The following CRCP variants were observed in gnomAD, a reference collection of about 807,000 sequenced individuals.
CRCP encodes the protein CGRP receptor component.
CRCP carries 18 observed loss-of-function variants against 18.5 expected under a neutral mutation model. The ratio of observed to expected loss-of-function variants is 0.97; its 90% confidence interval spans 0.67 to 1.44. CRCP has a LOEUF of 1.44. CRCP is among the 40% of genes most tolerant of loss of function. The pLI, the probability that CRCP is intolerant of heterozygous loss-of-function variation, is 0.00. For missense variants in CRCP, 130 were observed against 176.4 expected (o/e 0.74, Z 1.49); for synonymous variants, 53 against 62.9 (o/e 0.84, Z 0.75).
chr7:66,141,695 G>C (rs1788144477), intron 4 of CRCP, among the ~76,000 whole-genome samples: 2 of 152,238 alleles, frequency 1.3e-5, no homozygotes, highest in South Asian at 2.1e-4. Flanking sequence ...GTAGGACCGA[G>C]GAGCAGCCGC....
chr7:66,127,611 A>G, intron 1 of CRCP, 93 bp from the exon 2 acceptor site: 2 of 1,383,796 alleles, frequency 1.4e-6, no homozygotes, highest in Non-Finnish European at 2.0e-6. Context: ...CAAAAAGTGG[A>G]CTACTGTATC....
rs572396572 is a variant in CRCP at position 66,154,283 on chromosome 7, C to G, written c.*1926C>G. ...CTCTGCCTCCCAGATTCAAGCGATT[C>G]TGGTGCCTTAGCCTCCTGAGTAGCT... On this transcript the variant is annotated 3_prime_UTR_variant, in exon 6 of 6. Coordinates refer to ENST00000395326, the MANE Select transcript of CRCP (RefSeq NM_014478.5). 6.7e-6 allele frequency: 1 copy of G among 149,066 alleles called. No individual in the cohort carries two copies. Among genetic ancestry groups the G allele is most frequent in the South Asian group, 2.1e-4 (1 of 4,710 alleles). 9.2% of individuals were successfully genotyped at this position (149,066 alleles called of 1,614,324 possible). A position where few individuals can be genotyped will look rare whatever the true frequency, so the allele number is the denominator to read the frequency against.
chr7:66,115,102 G>A (rs746930881), intron 1 of CRCP, 132 bp downstream of exon 1: 4 of 1,332,790 alleles, frequency 3.0e-6, no homozygotes, highest in South Asian at 1.4e-5. Context: ...GGCCCTGTCC[G>A]GGAGGGCCGC....
intron 5 of CRCP, among the ~76,000 whole-genome samples, chr7:66,149,247 G>T (rs1788386072): frequency 6.6e-6 from 1 of 152,164 alleles, no homozygotes; most frequent in Non-Finnish European, 1.5e-5. Context: ...TGAAAGGCCG[G>T]ACACAGTGAT....
At chr7:66,141,674 T>G (rs1788143577) in intron 4 of CRCP, among the ~76,000 whole-genome samples, 1 of 152,120 alleles carries the variant, frequency 6.6e-6, no homozygotes. Context: ...TGATCAGCAG[T>G]GTCAGATGGA....
rs1443783596 is a variant in CRCP at position 66,154,278 on chromosome 7, C to T, written c.*1921C>T. 2 of 150,210 alleles carry T rather than the reference C, an allele frequency of 1.3e-5. No homozygotes were observed. The highest frequency in any genetic ancestry group is 4.9e-5 in the African/African-American group (2 of 40,858). 9.3% of individuals were successfully genotyped at this position (150,210 alleles called of 1,614,324 possible). A position where few individuals can be genotyped will look rare whatever the true frequency, so the allele number is the denominator to read the frequency against. On this transcript the variant is annotated 3_prime_UTR_variant, in exon 6 of 6. Coordinates refer to ENST00000395326, the MANE Select transcript of CRCP (RefSeq NM_014478.5). ...GCAACCTCTGCCTCCCAGATTCAAG[C>T]GATTCTGGTGCCTTAGCCTCCTGAG...
chr7:66,121,144 G>T (rs956083215), intron 1 of CRCP, among the ~76,000 whole-genome samples: 1 of 151,002 alleles, frequency 6.6e-6, no homozygotes, highest in African/African-American at 2.4e-5. Context: ...GCGCAATCTC[G>T]GCTGACTGCA....
chr7:66,136,570 G>T (rs1787977668), intron 4 of CRCP, among the ~76,000 whole-genome samples: 1 of 150,344 alleles, frequency 6.7e-6, no homozygotes, highest in South Asian at 2.1e-4. Context: ...CACTCTATTG[G>T]CCAGGCTGGT....
At chr7:66,124,315 G>T (rs540717203) in intron 1 of CRCP, among the ~76,000 whole-genome samples, 79 of 151,410 alleles carry the variant, frequency 5.2e-4, no homozygotes, top group African/African-American at 1.8e-3. Context: ...AGCCGAGATC[G>T]CACCATTGCA....
chr7:66,140,395 C>CTTTTTTT (rs34069697), intron 4 of CRCP, among the ~76,000 whole-genome samples: 2 of 142,840 alleles, frequency 1.4e-5, no homozygotes, highest in African/African-American at 2.6e-5. Flanking sequence ...CTTTTCTTTT[C>CTTTTTTT]TTTTTTTTTT....
intron 1 of CRCP, among the ~76,000 whole-genome samples, chr7:66,121,044 A>G (rs938473506): frequency 1.3e-5 from 2 of 149,300 alleles, no homozygotes; most frequent in Admixed American, 6.7e-5. Flanking sequence ...CATAATAATA[A>G]TAATAATAAT....
At chr7:66,138,363 A>C (rs1788030856) in intron 4 of CRCP, among the ~76,000 whole-genome samples, 1 of 151,346 alleles carries the variant, frequency 6.6e-6, no homozygotes, top group Admixed American at 6.6e-5. Context: ...TCATTGTGAG[A>C]CTCCATCTCT....
Position 66,134,362 on chromosome 7 carries a change from AC to A in CRCP, c.228del (p.His76GlnfsTer3). 6.2e-7 allele frequency: 1 copy of A among 1,605,568 alleles called. No individual in the cohort carries two copies. Among genetic ancestry groups the A allele is most frequent in the Non-Finnish European group, 8.5e-7 (1 of 1,175,550 alleles). On this transcript the variant is annotated frameshift_variant, in exon 4 of 6. Coordinates refer to ENST00000395326, the MANE Select transcript of CRCP (RefSeq NM_014478.5). LOFTEE classifies it high-confidence loss of function. ...VREFLTALKS[H>X]KLTKAEKLQL... ...GAATTTCTCACAGCATTGAAAAGCCACAAGTTGACCAAGTAAGTAAATCTCT... is the reference window on the plus strand; with the variant it reads ...GAATTTCTCACAGCATTGAAAAGCCAAAGTTGACCAAGTAAGTAAATCTCT...
chr7:66,129,838 C>T (rs549243475), intron 2 of CRCP, among the ~76,000 whole-genome samples: 3 of 152,178 alleles, frequency 2.0e-5, no homozygotes, highest in South Asian at 2.1e-4. Context: ...CGTATTGTAT[C>T]TGGTGATGGT....
At chr7:66,141,776 T>TGAGGG (rs1282509789) in intron 4 of CRCP, among the ~76,000 whole-genome samples, 20 of 152,080 alleles carry the variant, frequency 1.3e-4, no homozygotes, top group Non-Finnish European at 2.8e-4. Flanking sequence ...GGGCAAGAGC[T>TGAGGG]AGGGTGCAGG....
At chr7:66,139,991 T>A (rs1788086010) in intron 4 of CRCP, among the ~76,000 whole-genome samples, 1 of 152,222 alleles carries the variant, frequency 6.6e-6, no homozygotes, top group African/African-American at 2.4e-5. Flanking sequence ...TTACTAGAGC[T>A]GTCCTTGGAG....
intron 4 of CRCP, 133 bp downstream of exon 4, chr7:66,134,507 C>G: frequency 1.6e-6 from 1 of 631,966 alleles, no homozygotes; most frequent in Non-Finnish European, 2.8e-6. Context: ...GATGAAACAA[C>G]TGAAAGTTAG....
intron 4 of CRCP, among the ~76,000 whole-genome samples, chr7:66,143,295 C>T (rs1026327039): frequency 3.3e-5 from 5 of 152,232 alleles, no homozygotes; most frequent in Non-Finnish European, 5.9e-5. Flanking sequence ...CTGCCAGCAC[C>T]AGCCAGAGCA....
intron 4 of CRCP, among the ~76,000 whole-genome samples, chr7:66,140,109 G>A (rs199915776): frequency 6.6e-6 from 1 of 152,258 alleles, no homozygotes; most frequent in Non-Finnish European, 1.5e-5. Flanking sequence ...CACCTGGGGG[G>A]CTGCCCTTGA....
Sources: gnomAD v4.1 joint callset for allele counts (sites outside exome capture counted in the v4.1 genomes callset) on GRCh38, gnomAD v4.1.1 for gene constraint, MANE v1.5 for transcripts, NCBI Gene and HGNC (gene_info 2026-07-23, HGNC 2026-07-21) for gene names.